Variants in ARFIP1 observed in about 807,000 individuals in gnomAD.
The protein encoded by ARFIP1 is arfaptin-1.
A neutral mutation model predicts 42.5 loss-of-function variants in ARFIP1; 24 were observed. The observed-to-expected ratio is 0.57, with a 90% confidence interval of 0.41 to 0.80. ARFIP1 has a LOEUF of 0.80. Ranked by LOEUF, ARFIP1 falls within the 30% of genes least tolerant of loss-of-function variation. ARFIP1 has a pLI of 0.00. For missense variants in ARFIP1, 354 were observed against 434.0 expected (o/e 0.82, Z 1.64); for synonymous variants, 141 against 153.7 (o/e 0.92, Z 0.61).
chr4:152,895,684 T>TA (rs375685043), intron 8 of ARFIP1, among the ~76,000 whole-genome samples: 3 of 151,070 alleles, frequency 2.0e-5, no homozygotes, highest in Non-Finnish European at 4.4e-5. Context: ...CCTCAGGCTT[T>TA]AGAGTAGATG....
chr4:152,888,100 T>G, intron 7 of ARFIP1, 33 bp from the exon 8 acceptor site: 3 of 1,558,472 alleles, frequency 1.9e-6, no homozygotes, highest in Non-Finnish European at 2.6e-6. Context: ...TTACTGTTCT[T>G]GTAGTATGCT....
intron 2 of ARFIP1, among the ~76,000 whole-genome samples, chr4:152,838,055 ATTG>A (rs1731791991): frequency 6.6e-6 from 1 of 151,888 alleles, no homozygotes; most frequent in South Asian, 2.1e-4. Context: ...ACTTTATGTT[ATTG>A]TTTGCTTTGT....
At chr4:152,826,695 AGAATT>A (rs1730866241) in intron 1 of ARFIP1, among the ~76,000 whole-genome samples, 1 of 152,196 alleles carries the variant, frequency 6.6e-6, no homozygotes, top group Non-Finnish European at 1.5e-5. Context: ...TATATCCAAA[AGAATT>A]GAAAGCAGGA....
intron 1 of ARFIP1, chr4:152,796,411 C>T (rs1731471869): frequency 1.4e-6 from 1 of 739,450 alleles, no homozygotes; most frequent in Non-Finnish European, 2.5e-6. Flanking sequence ...TCTTCCATGC[C>T]TTCTTCTTTC....
intron 2 of ARFIP1, among the ~76,000 whole-genome samples, chr4:152,857,500 A>G (rs377204826): frequency 3.3e-5 from 5 of 152,234 alleles, no homozygotes; most frequent in Non-Finnish European, 7.3e-5. Context: ...CAGTTTTCTC[A>G]TCTGTAAAAT....
At chr4:152,824,773 T>C (rs1294232238) in intron 1 of ARFIP1, among the ~76,000 whole-genome samples, 1 of 152,206 alleles carries the variant, frequency 6.6e-6, no homozygotes, top group Non-Finnish European at 1.5e-5. Flanking sequence ...TTGCCAATGA[T>C]TGGATACCTA....
intron 2 of ARFIP1, among the ~76,000 whole-genome samples, chr4:152,854,619 CT>C (rs1401229104): frequency 2.6e-5 from 4 of 152,168 alleles, no homozygotes; most frequent in Non-Finnish European, 5.9e-5. Flanking sequence ...TAGGGGAGGA[CT>C]TTTTCCTGAA....
chr4:152,881,219 G>A (rs1347594240), intron 6 of ARFIP1, 35 bp downstream of exon 6: 14 of 1,461,108 alleles, frequency 9.6e-6, no homozygotes, highest in Non-Finnish European at 1.3e-5. Flanking sequence ...AGGGATGGGA[G>A]AAAATGATAA....
At chr4:152,853,988 C>T (rs1393437632) in intron 2 of ARFIP1, among the ~76,000 whole-genome samples, 1 of 141,362 alleles carries the variant, frequency 7.1e-6, no homozygotes, top group African/African-American at 2.6e-5. Flanking sequence ...TCTTGGCTCA[C>T]TGAAACCTCC....
chr4:152,845,983 A>C (rs1037967125), intron 2 of ARFIP1, among the ~76,000 whole-genome samples: 2 of 152,228 alleles, frequency 1.3e-5, no homozygotes, highest in African/African-American at 4.8e-5. Flanking sequence ...AAAATGTGGT[A>C]GATATACATC....
intron 8 of ARFIP1, among the ~76,000 whole-genome samples, chr4:152,909,063 T>C (rs1302519531): frequency 1.3e-5 from 2 of 152,208 alleles, no homozygotes; most frequent in Non-Finnish European, 2.9e-5. Flanking sequence ...GAATCAGAAT[T>C]CTTATTTAAC....
intron 1 of ARFIP1, among the ~76,000 whole-genome samples, chr4:152,795,759 T>C (rs1355272495): frequency 6.6e-6 from 1 of 151,250 alleles, no homozygotes; most frequent in Non-Finnish European, 1.5e-5. Context: ...CAGTGTTGTT[T>C]TAATTGGCAT....
At chr4:152,880,448 A>G (rs1488747231) in intron 5 of ARFIP1, among the ~76,000 whole-genome samples, 2 of 152,018 alleles carry the variant, frequency 1.3e-5, no homozygotes, top group African/African-American at 4.8e-5. Flanking sequence ...AGTAAAAGTA[A>G]CTTAGTAGTT....
intron 1 of ARFIP1, among the ~76,000 whole-genome samples, chr4:152,827,622 C>T (rs1156596536): frequency 2.6e-5 from 4 of 152,164 alleles, no homozygotes; most frequent in African/African-American, 7.2e-5. Flanking sequence ...TATAGTTTTA[C>T]CCTTTCCAGA....
At chr4:152,813,251 C>A (rs1729608166) in intron 1 of ARFIP1, among the ~76,000 whole-genome samples, 2 of 152,058 alleles carry the variant, frequency 1.3e-5, no homozygotes, top group African/African-American at 4.8e-5. Context: ...AATATTACAT[C>A]ATTTTATATA....
intron 1 of ARFIP1, among the ~76,000 whole-genome samples, chr4:152,828,744 T>C (rs1731035057): frequency 6.6e-6 from 1 of 152,192 alleles, no homozygotes; most frequent in Admixed American, 6.5e-5. Context: ...AGCCTATCAG[T>C]TTTTTCTTTC....
At chr4:152,783,491 C>T (rs1331994140) in intron 1 of ARFIP1, among the ~76,000 whole-genome samples, 2 of 152,148 alleles carry the variant, frequency 1.3e-5, no homozygotes, top group Non-Finnish European at 2.9e-5. Context: ...TGGCTAAAGT[C>T]CTCATTTCTG....
chr4:152,822,707 A>G (rs1173548187), intron 1 of ARFIP1, among the ~76,000 whole-genome samples: 1 of 152,234 alleles, frequency 6.6e-6, no homozygotes, highest in Non-Finnish European at 1.5e-5. Context: ...GAATTATATC[A>G]GGTATCTTCT....
chr4:152,861,454 C>T lies in ARFIP1; in HGVS notation c.94-2152C>T, dbSNP rs577647894. On this transcript the variant is annotated intron_variant, in intron 2 of 8. Coordinates refer to ENST00000353617, the MANE Select transcript of ARFIP1 (RefSeq NM_001025595.3). ...GTTCCTCATTGAAAACAGTGAAAAA[C>T]TTAAGGAAAAAAAGGTAATTAAGGG... Among the ~76,000 whole-genome samples, 3 of 152,040 alleles carry T rather than the reference C, an allele frequency of 2.0e-5. No homozygotes were observed. The East Asian group carries it at 5.8e-4, about 29-fold the overall frequency.
Sources: allele counts gnomAD v4.1 joint callset (sites outside exome capture counted in the v4.1 genomes callset), GRCh38; gene constraint gnomAD v4.1.1; transcripts MANE v1.5; gene names NCBI Gene and HGNC (gene_info 2026-07-23, HGNC 2026-07-21).